The following PTK2 variants were observed in gnomAD, a reference collection of about 807,000 sequenced individuals.
PTK2 encodes protein tyrosine kinase 2.
Under a neutral mutation model 150.1 loss-of-function variants are expected in PTK2, and 45 were observed. That is an observed-to-expected ratio of 0.30 (90% CI 0.24 to 0.38). The LOEUF is 0.38. Among genes scored for constraint, PTK2 ranks in the 10% least tolerant of loss-of-function variants. The probability of loss-of-function intolerance (pLI) is 1.00; values close to 1 mark genes in which losing one functional copy is unlikely to be tolerated. For missense variants in PTK2, 919 were observed against 1,307.3 expected (o/e 0.70, Z 4.58); for synonymous variants, 432 against 449.2 (o/e 0.96, Z 0.48).
At chr8:140,898,105 A>G (rs1232672046) in intron 2 of PTK2, among the ~76,000 whole-genome samples, 1 of 152,230 alleles carries the variant, frequency 6.6e-6, no homozygotes, top group Non-Finnish European at 1.5e-5. Flanking sequence ...CCTATCACAG[A>G]CCAATACTTT....
intron 1 of PTK2, among the ~76,000 whole-genome samples, chr8:140,974,771 G>C (rs768351711): frequency 6.6e-6 from 1 of 152,080 alleles, no homozygotes; most frequent in Non-Finnish European, 1.5e-5. Context: ...GGGAAAAACA[G>C]CTCACATACA....
intron 2 of PTK2, among the ~76,000 whole-genome samples, chr8:140,891,849 G>T (rs2100154356): frequency 6.6e-6 from 1 of 152,210 alleles, no homozygotes; most frequent in African/African-American, 2.4e-5. Context: ...GGCTTGCAGT[G>T]AGAACAGCTG....
chr8:140,960,121 A>C (rs1395593033), intron 1 of PTK2, among the ~76,000 whole-genome samples: 1 of 151,512 alleles, frequency 6.6e-6, no homozygotes, highest in African/African-American at 2.4e-5. Flanking sequence ...GTATTTTTTT[A>C]AATGTTCTAC....
At chr8:140,789,855 T>C (rs1335598866) in intron 13 of PTK2, among the ~76,000 whole-genome samples, 2 of 152,102 alleles carry the variant, frequency 1.3e-5, no homozygotes, top group East Asian at 1.9e-4. Flanking sequence ...CACTAAAGGA[T>C]TGCCCCTAAA....
intron 2 of PTK2, among the ~76,000 whole-genome samples, chr8:140,892,262 T>C (rs1007665962): frequency 1.2e-4 from 19 of 152,064 alleles, no homozygotes; most frequent in Admixed American, 1.1e-3. Flanking sequence ...CAGCCAGGCA[T>C]AGATGCTCAT....
intron 11 of PTK2, among the ~76,000 whole-genome samples, chr8:140,801,496 CTT>C (rs1327399970): frequency 6.6e-6 from 1 of 152,198 alleles, no homozygotes; most frequent in East Asian, 1.9e-4. Context: ...AACCCCATCT[CTT>C]GTCAATTACT....
chr8:140,793,056 C>T (rs2100089446), intron 13 of PTK2, among the ~76,000 whole-genome samples: 1 of 152,172 alleles, frequency 6.6e-6, no homozygotes, highest in East Asian at 1.9e-4. Context: ...CACATATTTT[C>T]AGGTTCTTGT....
chr8:140,934,983 A>G (rs1000472838), intron 1 of PTK2, among the ~76,000 whole-genome samples: 1 of 152,216 alleles, frequency 6.6e-6, no homozygotes. Context: ...TGAAGTTTGA[A>G]TCAGCACTGC....
intron 14 of PTK2, among the ~76,000 whole-genome samples, chr8:140,783,160 G>C (rs2100082863): frequency 1.3e-5 from 2 of 152,184 alleles, no homozygotes; most frequent in South Asian, 4.1e-4. Flanking sequence ...AGGATCACTT[G>C]AGCCCAGGAG....
intron 2 of PTK2, among the ~76,000 whole-genome samples, chr8:140,903,171 G>C (rs1384101376): frequency 6.6e-6 from 1 of 151,962 alleles, no homozygotes; most frequent in Non-Finnish European, 1.5e-5. Context: ...GTGTAAGGAA[G>C]GGGTCCAGTT....
chr8:140,795,600 T>A (rs900284244), intron 12 of PTK2, among the ~76,000 whole-genome samples: 1 of 152,236 alleles, frequency 6.6e-6, no homozygotes, highest in African/African-American at 2.4e-5. Context: ...GTATTTATTT[T>A]CTCTATTAAT....
chr8:140,958,983 G>T (rs1014824836), intron 1 of PTK2, among the ~76,000 whole-genome samples: 1 of 152,112 alleles, frequency 6.6e-6, no homozygotes, highest in South Asian at 2.1e-4. Context: ...TTGAAAAAGT[G>T]TCTCTTCCCC....
At chr8:140,668,586 A>C in intron 29 of PTK2, 162 bp from the exon 34 acceptor site, 2 of 739,234 alleles carry the variant, frequency 2.7e-6, no homozygotes, top group Non-Finnish European at 4.1e-6. Context: ...AATGACAGTA[A>C]AGTAATTCCT....
chr8:140,718,732 G>A (rs2100041155), intron 22 of PTK2: 1 of 152,162 alleles, frequency 6.6e-6, no homozygotes, highest in African/African-American at 2.4e-5. Context: ...AGAATGTGCT[G>A]TTTCTCACAC....
At chr8:140,895,602 T>C (rs2100155863) in intron 2 of PTK2, among the ~76,000 whole-genome samples, 1 of 151,824 alleles carries the variant, frequency 6.6e-6, no homozygotes, top group Non-Finnish European at 1.5e-5. Context: ...TACACATCTG[T>C]GAAGGGGGGA....
At chr8:140,709,520 G>T (rs1054996905) in intron 23 of PTK2, among the ~76,000 whole-genome samples, 2 of 152,198 alleles carry the variant, frequency 1.3e-5, no homozygotes, top group Non-Finnish European at 2.9e-5. Context: ...CAGGCTTTGA[G>T]CCAGACTGTC....
chr8:140,675,443 A>G lies in PTK2; in HGVS notation c.2602+17T>C. On this transcript the variant is annotated intron_variant, in intron 28 of 31. Coordinates refer to ENST00000522684, the Ensembl canonical transcript of PTK2. ...AATTAAACTAACTTCTTTCCGCCCA[A>G]TTCTTTTCTTCTTTACCTGGTTTAC... 1.2e-6 allele frequency: 2 copies of G among 1,610,822 alleles called. No individual in the cohort carries two copies. The highest frequency in any genetic ancestry group is 2.2e-5 in the East Asian group (1 of 44,860).
chr8:140,717,210 C>T lies in PTK2; in HGVS notation c.2142+388G>A, dbSNP rs568949023. ...AGGAATATGGTCAGGTAGAGACAGA[C>T]TCATTTTTAAATAAAGCAAAATGCA... is the stretch of plus-strand genomic sequence containing the variant. On this transcript the variant is annotated intron_variant, in intron 23 of 31. Coordinates refer to ENST00000522684, the Ensembl canonical transcript of PTK2. Among the ~76,000 whole-genome samples, 9 of 152,318 alleles carry T rather than the reference C, an allele frequency of 5.9e-5. No individual in the cohort carries two copies. In the South Asian group the frequency reaches 1.5e-3, roughly 25 times the overall value.
At chr8:140,976,944 C>G (rs548182922) in intron 1 of PTK2, among the ~76,000 whole-genome samples, 4 of 152,092 alleles carry the variant, frequency 2.6e-5, no homozygotes. Context: ...TGACTACAAT[C>G]CAATTCTAGA....
Sources: allele counts gnomAD v4.1 joint callset (sites outside exome capture counted in the v4.1 genomes callset), GRCh38; gene constraint gnomAD v4.1.1; transcripts MANE v1.5; gene names NCBI Gene and HGNC (gene_info 2026-07-23, HGNC 2026-07-21).